Variants in NRG3 observed in about 807,000 individuals in gnomAD.
NRG3 encodes the protein neuregulin 3, also known as pro-neuregulin-3, membrane-bound isoform.
Under a neutral mutation model 66.9 loss-of-function variants are expected in NRG3, and 31 were observed. The observed-to-expected ratio is 0.46, with a 90% confidence interval of 0.35 to 0.63. The LOEUF (loss-of-function observed/expected upper bound fraction) is 0.63, where lower values mean the gene tolerates loss of function less well. Ranked by LOEUF, NRG3 falls within the 20% of genes least tolerant of loss-of-function variation. The probability of loss-of-function intolerance (pLI) is 0.00; values close to 1 mark genes in which losing one functional copy is unlikely to be tolerated. For synonymous variants in NRG3, 393 were observed against 359.4 expected, an observed-to-expected ratio of 1.09 and a Z score of -1.06; for missense variants, 910 against 878.9, an observed-to-expected ratio of 1.04 and a Z score of -0.45.
At chr10:82,912,670 A>G (rs73311331) in intron 4 of NRG3, among the ~76,000 whole-genome samples, 6,009 of 152,244 alleles carry the variant, frequency 0.039, 140 homozygotes, top group Middle Eastern at 0.1. Flanking sequence ...TTTCTGGATT[A>G]ATACCTATCA....
At position 82,825,454 on chromosome 10, in the gene NRG3, TCAGA is replaced by T. The variant is rs755918206; in HGVS notation, c.1028-39952_1028-39949del. Among the ~76,000 whole-genome samples, 4 of 152,294 alleles carry T rather than the reference TCAGA, an allele frequency of 2.6e-5. No homozygotes were observed. In the East Asian group the frequency reaches 5.8e-4, roughly 22 times the overall value. ...TTATCTAAAGTTTATTTTTCTAGAA[TCAGA>T]CAGATTATTCATAGAAGTACAGGTA... On this transcript the variant is annotated intron_variant, in intron 3 of 8. Coordinates refer to ENST00000372141, the MANE Select transcript of NRG3 (RefSeq NM_001010848.4).
At chr10:82,567,507 A>G (rs761095863) in intron 2 of NRG3, among the ~76,000 whole-genome samples, 4 of 152,014 alleles carry the variant, frequency 2.6e-5, no homozygotes, top group Admixed American at 2.0e-4. Flanking sequence ...ACATAAGAGC[A>G]CTAAGAGGCT....
At chr10:82,425,704 G>T (rs1354233242) in intron 2 of NRG3, among the ~76,000 whole-genome samples, 1 of 152,096 alleles carries the variant, frequency 6.6e-6, no homozygotes, top group African/African-American at 2.4e-5. Flanking sequence ...CTTTGATTGA[G>T]ATTTTATGTT....
At chr10:82,626,689 C>A (rs1365859430) in intron 2 of NRG3, among the ~76,000 whole-genome samples, 7 of 152,006 alleles carry the variant, frequency 4.6e-5, no homozygotes, top group African/African-American at 1.5e-4. Flanking sequence ...ATTTCCACAC[C>A]CTGCAACATA....
At chr10:82,135,925 G>T (rs2069310230) in intron 1 of NRG3, among the ~76,000 whole-genome samples, 1 of 152,120 alleles carries the variant, frequency 6.6e-6, no homozygotes, top group South Asian at 2.1e-4. Flanking sequence ...AGGCATTGAA[G>T]AGTTGGGTAT....
At chr10:82,961,752 C>T (rs1850662657) in intron 6 of NRG3, among the ~76,000 whole-genome samples, 2 of 152,188 alleles carry the variant, frequency 1.3e-5, no homozygotes, top group African/African-American at 2.4e-5. Flanking sequence ...AGTTCACAGT[C>T]CATGCTCAAG....
chr10:82,774,867 C>A (rs1399281356), intron 3 of NRG3, among the ~76,000 whole-genome samples: 1 of 129,540 alleles, frequency 7.7e-6, no homozygotes, highest in Non-Finnish European at 1.6e-5. Context: ...CTCTGTCGTC[C>A]AGGCTGTTAA....
intron 1 of NRG3, among the ~76,000 whole-genome samples, chr10:82,004,311 A>G (rs1292132570): frequency 6.6e-6 from 1 of 152,202 alleles, no homozygotes; most frequent in Non-Finnish European, 1.5e-5. Flanking sequence ...TAAAATTTGA[A>G]GGCCATCAAA....
At chr10:82,962,388 A>C (rs760810136) in intron 6 of NRG3, among the ~76,000 whole-genome samples, 7 of 152,208 alleles carry the variant, frequency 4.6e-5, no homozygotes. Context: ...AATCAAGAGA[A>C]AATATTCACA....
chr10:81,936,443 T>C (rs1476704710), intron 1 of NRG3, among the ~76,000 whole-genome samples: 4 of 151,998 alleles, frequency 2.6e-5, no homozygotes, highest in Non-Finnish European at 5.9e-5. Flanking sequence ...ATGATCAGCT[T>C]GGTGTTTTAT....
intron 1 of NRG3, among the ~76,000 whole-genome samples, chr10:82,189,536 A>T (rs938676388): frequency 1.3e-5 from 2 of 152,108 alleles, no homozygotes; most frequent in African/African-American, 2.4e-5. Context: ...TCACACCTGT[A>T]ATCCCAGCAC....
intron 2 of NRG3, among the ~76,000 whole-genome samples, chr10:82,652,162 C>G (rs987056826): frequency 2.6e-4 from 39 of 152,152 alleles, no homozygotes; most frequent in African/African-American, 9.4e-4. Flanking sequence ...AGGGTGCCAG[C>G]AGGAGTGAAC....
chr10:82,655,834 T>A (rs933636842), intron 2 of NRG3, among the ~76,000 whole-genome samples: 2 of 152,182 alleles, frequency 1.3e-5, no homozygotes, highest in African/African-American at 4.8e-5. Context: ...TTGGAATTAA[T>A]TATATCAAAG....
At chr10:82,800,386 C>T (rs896310397) in intron 3 of NRG3, among the ~76,000 whole-genome samples, 6 of 151,946 alleles carry the variant, frequency 3.9e-5, no homozygotes, top group African/African-American at 1.2e-4. Context: ...TTTTTACCTA[C>T]GGGCAAGAAA....
chr10:82,173,982 G>A (rs2072837499), intron 1 of NRG3, among the ~76,000 whole-genome samples: 1 of 152,004 alleles, frequency 6.6e-6, no homozygotes, highest in South Asian at 2.1e-4. Context: ...TTCAAATTAT[G>A]TTTTTAGGTT....
At chr10:81,879,665 AT>A (rs780840977) in intron 1 of NRG3, among the ~76,000 whole-genome samples, 1 of 152,236 alleles carries the variant, frequency 6.6e-6, no homozygotes, top group Non-Finnish European at 1.5e-5. Context: ...TAGAATGTAC[AT>A]TTGATGTTTA....
chr10:82,072,477 A>G (rs1280183354), intron 1 of NRG3, among the ~76,000 whole-genome samples: 4 of 152,226 alleles, frequency 2.6e-5, no homozygotes, highest in African/African-American at 9.6e-5. Context: ...AAACTAAAAG[A>G]GAATTCAAGT....
At chr10:82,780,552 T>G (rs943676292) in intron 3 of NRG3, among the ~76,000 whole-genome samples, 1 of 151,030 alleles carries the variant, frequency 6.6e-6, no homozygotes, top group African/African-American at 2.4e-5. Flanking sequence ...TATTTTATTA[T>G]ATCTTGTACA....
At chr10:82,464,400 TG>T (rs1332480426) in intron 2 of NRG3, among the ~76,000 whole-genome samples, 1 of 152,148 alleles carries the variant, frequency 6.6e-6, no homozygotes, top group African/African-American at 2.4e-5. Flanking sequence ...ATTGACTCGA[TG>T]GGGGGAAGGC....
Sources: allele counts gnomAD v4.1 joint callset (sites outside exome capture counted in the v4.1 genomes callset), GRCh38; gene constraint gnomAD v4.1.1; transcripts MANE v1.5; gene names NCBI Gene and HGNC (gene_info 2026-07-23, HGNC 2026-07-21).